The following NUP210L variants were observed in gnomAD, a reference collection of about 807,000 sequenced individuals.
NUP210L encodes nucleoporin 210 like.
NUP210L carries 74 observed loss-of-function variants against 208.5 expected under a neutral mutation model. The observed-to-expected ratio is 0.35, with a 90% CI of 0.29 to 0.43. The LOEUF is 0.43. NUP210L is among the 20% of genes least tolerant of loss of function. The pLI, the probability that NUP210L is intolerant of heterozygous loss-of-function variation, is 1.00. For missense variants in NUP210L, 1,843 were observed against 2,289.4 expected (o/e 0.81, Z 3.98); for synonymous variants, 780 against 816.9 (o/e 0.95, Z 0.77).
At chr1:154,060,349 C>T (rs1052204081) in intron 20 of NUP210L, among the ~76,000 whole-genome samples, 191 bp downstream of exon 20, 2 of 152,162 alleles carry the variant, frequency 1.3e-5, no homozygotes, top group Non-Finnish European at 2.9e-5. Flanking sequence ...ACTGAGATCT[C>T]TTATACTGTC....
intron 28 of NUP210L, 79 bp from the exon 29 acceptor site, chr1:154,027,676 C>T (rs1425521655): frequency 1.5e-5 from 13 of 852,966 alleles, no homozygotes; most frequent in Non-Finnish European, 2.3e-5. Context: ...TCAGTATAAT[C>T]CCGAAGAGAT....
At chr1:154,051,509 T>C (rs1451421927) in intron 25 of NUP210L, among the ~76,000 whole-genome samples, 1 of 152,184 alleles carries the variant, frequency 6.6e-6, no homozygotes, top group East Asian at 1.9e-4. Context: ...CCACTGTGCC[T>C]GGCCGACACT....
exon 23 of NUP210L, chr1:154,056,850 C>T (rs868361762): frequency 1.3e-6 from 2 of 1,591,412 alleles, no homozygotes; most frequent in East Asian, 2.3e-5. Context: ...TATTTTCTTC[C>T]CATCTTGTCC....
chr1:154,026,495 T>C lies in NUP210L; in HGVS notation c.3948-779A>G, dbSNP rs994900380. 1.4e-4 allele frequency among the ~76,000 whole-genome samples: 22 copies of C among 152,012 alleles called. No homozygotes were observed. In the East Asian group the frequency reaches 4.4e-3, roughly 30 times the overall value. ...TCCTGAGTAGCTGGGATTACAGGCA[T>C]GTGCAACCACCCCTGGCTAATTTAG... On this transcript the variant is annotated intron_variant, in intron 29 of 39. Transcript: ENST00000368559.
exon 28 of NUP210L, chr1:154,029,998 T>A (rs751788537): frequency 6.2e-7 from 1 of 1,611,462 alleles, no homozygotes; most frequent in Non-Finnish European, 8.5e-7. Context: ...TCCTGCCTGC[T>A]GCTTTTGTAT....
At chr1:154,041,651 A>AAAAAG (rs963320978) in intron 27 of NUP210L, among the ~76,000 whole-genome samples, 139 of 152,194 alleles carry the variant, frequency 9.1e-4, no homozygotes, top group African/African-American at 3.0e-3. Context: ...AGAGAAAAAA[A>AAAAAG]AAAAGAAAAG....
chr1:153,999,328 A>C (rs573696443), intron 37 of NUP210L, among the ~76,000 whole-genome samples: 8 of 152,282 alleles, frequency 5.3e-5, no homozygotes, highest in Non-Finnish European at 7.4e-5. Flanking sequence ...TTATTTCTAA[A>C]CTAGGTAATG....
intron 16 of NUP210L, among the ~76,000 whole-genome samples, chr1:154,076,474 A>C (rs929125273): frequency 6.6e-6 from 1 of 152,226 alleles, no homozygotes; most frequent in South Asian, 2.1e-4. Context: ...AAAATACAAA[A>C]GTGCTATCAC....
chr1:154,134,516 T>A (rs1198148025), intron 7 of NUP210L, among the ~76,000 whole-genome samples: 1 of 147,708 alleles, frequency 6.8e-6, no homozygotes, highest in Admixed American at 6.9e-5. Flanking sequence ...GGCGGGCAGA[T>A]CACAAGGTCA....
chr1:154,125,958 C>T lies in NUP210L; in HGVS notation c.1326+365G>A, dbSNP rs1253512702. On this transcript the variant is annotated intron_variant, in intron 10 of 39. Coordinates refer to ENST00000368559, the Ensembl canonical transcript of NUP210L. The stretch of plus-strand genomic sequence containing the variant: ...AATTTTTTTGTATTTTTAGTAGAGA[C>T]GGGGTTTCACCGTTTTAGCCGGGAT... Among the ~76,000 whole-genome samples the T allele has an allele frequency of 6.4e-4, 95 of 149,530 alleles. 1 individual carries two copies. The highest frequency in any genetic ancestry group is 4.5e-4 in the Non-Finnish European group (30 of 67,336).
intron 12 of NUP210L, among the ~76,000 whole-genome samples, chr1:154,104,817 C>G (rs576235732): frequency 1.3e-5 from 2 of 151,978 alleles, no homozygotes; most frequent in African/African-American, 4.8e-5. Flanking sequence ...AATTCTTGGG[C>G]AAGTTCTGGT....
intron 27 of NUP210L, among the ~76,000 whole-genome samples, chr1:154,045,710 G>A (rs1653135115): frequency 6.6e-6 from 1 of 152,118 alleles, no homozygotes. Context: ...GGATGAGCAT[G>A]GTGGCTCACG....
At chr1:154,083,323 G>C (rs1655450558) in intron 16 of NUP210L, among the ~76,000 whole-genome samples, 1 of 152,134 alleles carries the variant, frequency 6.6e-6, no homozygotes, top group Non-Finnish European at 1.5e-5. Context: ...TGTTTTTACA[G>C]AGTGCTGATT....
At chr1:154,065,157 T>G (rs1374085432) in intron 17 of NUP210L, among the ~76,000 whole-genome samples, 4 of 151,422 alleles carry the variant, frequency 2.6e-5, no homozygotes, top group Non-Finnish European at 5.9e-5. Flanking sequence ...CAATGGCTCA[T>G]GCCTGTAATC....
chr1:154,038,353 T>A (rs1355555185), intron 27 of NUP210L, among the ~76,000 whole-genome samples: 2 of 148,420 alleles, frequency 1.3e-5, no homozygotes, highest in Non-Finnish European at 3.0e-5. Flanking sequence ...TTTTTTTTTT[T>A]ATTTTTGAGA....
At chr1:154,046,011 T>C (rs1653154384) in intron 27 of NUP210L, 58 bp downstream of exon 27, 1 of 1,477,240 alleles carries the variant, frequency 6.8e-7, no homozygotes, top group Non-Finnish European at 9.1e-7. Context: ...TATGATAAAT[T>C]AAAATAAATT....
chr1:154,122,512 C>T (rs1286915224), intron 10 of NUP210L, among the ~76,000 whole-genome samples: 3 of 151,942 alleles, frequency 2.0e-5, no homozygotes, highest in South Asian at 2.1e-4. Flanking sequence ...AAAAATTAGC[C>T]GGGCATGGTG....
chr1:154,137,715 CAAAAAAATAAAAAT>C (rs1658621416), intron 6 of NUP210L, among the ~76,000 whole-genome samples: 2 of 151,698 alleles, frequency 1.3e-5, no homozygotes, highest in Non-Finnish European at 1.5e-5. Flanking sequence ...ACCCCCATCT[CAAAAAAATAAAAAT>C]AAAAAAATAA....
At chr1:154,004,391 G>T (rs898352392) in intron 35 of NUP210L, among the ~76,000 whole-genome samples, 10 of 150,764 alleles carry the variant, frequency 6.6e-5, no homozygotes, top group Admixed American at 6.6e-4. Context: ...CTTTTGAGAC[G>T]AAGTCTCGTT....
Sources: gnomAD v4.1 joint callset for allele counts (sites outside exome capture counted in the v4.1 genomes callset) on GRCh38, gnomAD v4.1.1 for gene constraint, MANE v1.5 for transcripts, NCBI Gene and HGNC (gene_info 2026-07-23, HGNC 2026-07-21) for gene names.